The following ERICH5 variants were observed in gnomAD, a reference collection of about 807,000 sequenced individuals.
The protein encoded by ERICH5 is glutamate rich 5.
ERICH5 carries 24 observed loss-of-function variants against 28.0 expected under a neutral mutation model. The observed-to-expected ratio is 0.86, with a 90% confidence interval of 0.62 to 1.21. The LOEUF (loss-of-function observed/expected upper bound fraction) is 1.21, where lower values mean the gene tolerates loss of function less well. Ranked by LOEUF, ERICH5 falls within the 50% of genes most tolerant of loss-of-function variation. ERICH5 has a pLI of 0.00. For missense variants in ERICH5, 421 were observed against 441.2 expected, an observed-to-expected ratio of 0.95 and a Z score of 0.41; for synonymous variants, 163 against 157.6, an observed-to-expected ratio of 1.03 and a Z score of -0.25.
At chr8:98,078,497 A>G (rs1490230538) in intron 1 of ERICH5, among the ~76,000 whole-genome samples, 3 of 152,190 alleles carry the variant, frequency 2.0e-5, no homozygotes, top group Non-Finnish European at 4.4e-5. Context: ...TAGTCATAGG[A>G]AATATTGACA....
Position 98,091,836 on chromosome 8 carries a change from T to TTTTCTTTCTTTC in ERICH5, c.1013-1332_1013-1321dup, listed in dbSNP as rs3074382. ...AGACTTTCTTTTTCTTTCTTTTTCT[T>TTTTCTTTCTTTC]TTTCTTTCTTTCTTTCTTTCTTTCT... On this transcript the variant is annotated intron_variant, in intron 2 of 2. Coordinates refer to ENST00000318528, the MANE Select transcript of ERICH5 (RefSeq NM_173549.3). Among the ~76,000 whole-genome samples, 213 of 107,272 alleles carry TTTTCTTTCTTTC rather than the reference T, an allele frequency of 2.0e-3. 4 individuals carry two copies. Among genetic ancestry groups the TTTTCTTTCTTTC allele is most frequent in the East Asian group, 0.01 (36 of 3,538 alleles). The allele number at this position is 107,272 out of a possible 152,430, so 70.4% of individuals were successfully genotyped here.
intron 1 of ERICH5, 83 bp downstream of exon 1, chr8:98,064,810 C>A: frequency 8.9e-7 from 1 of 1,122,866 alleles, no homozygotes; most frequent in Non-Finnish European, 1.2e-6. Context: ...GGGTGTGTCC[C>A]GTGGCCACCC....
chr8:98,090,520 C>G (rs984645134), intron 2 of ERICH5, among the ~76,000 whole-genome samples: 10 of 150,922 alleles, frequency 6.6e-5, no homozygotes, highest in African/African-American at 2.4e-4. Context: ...CCCAGCACTT[C>G]AGGAGGCAGA....
At position 98,080,805 on chromosome 8, in the gene ERICH5, C is replaced by G. The variant is rs1053080829; in HGVS notation, c.59-8271C>G. ...ACAACCTCTGCCTCCCAGGTTTAGGCAATTCTCCAGCCTCAGTCTTCCGAG... is the reference window on the plus strand; with the variant it reads ...ACAACCTCTGCCTCCCAGGTTTAGGGAATTCTCCAGCCTCAGTCTTCCGAG... On this transcript the variant is annotated intron_variant, in intron 1 of 2. Coordinates refer to ENST00000318528, the MANE Select transcript of ERICH5 (RefSeq NM_173549.3). 2.7e-5 allele frequency among the ~76,000 whole-genome samples: 4 copies of G among 150,600 alleles called. No homozygotes were observed. In the Admixed American group the frequency reaches 2.7e-4, roughly 10 times the overall value.
Position 98,090,018 on chromosome 8 carries a change from A to T in ERICH5, c.1001A>T (p.Gln334Leu). 6.2e-7 allele frequency: 1 copy of T among 1,609,060 alleles called. No individual in the cohort carries two copies. ...IRNIHTNEEDQRIEGETGEKV... is the reference protein window; with the variant it reads ...IRNIHTNEEDLRIEGETGEKV... ...AACATCCATACTAATGAAGAGGACC[A>T]ACGCATTGAAGGTAAAAGTTATGCT... Residue 334 changes from glutamine to leucine, a missense_variant, in exon 2 of 3, where the codon CAA becomes CTA. Transcript: ENST00000318528.
chr8:98,089,805 A>G lies in ERICH5; in HGVS notation c.788A>G (p.Lys263Arg), dbSNP rs561949961. 2 of 1,614,146 alleles carry G rather than the reference A, an allele frequency of 1.2e-6. No individual in the cohort carries two copies. Among genetic ancestry groups the G allele is most frequent in the East Asian group, 4.5e-5 (2 of 44,892 alleles). ...CCCCAGCTTCTAGAAAGAATTCCCAAAGAGAATGTAACACCAGAAGTATTG... is the reference window on the plus strand; with the variant it reads ...CCCCAGCTTCTAGAAAGAATTCCCAGAGAGAATGTAACACCAGAAGTATTG... ...EQPQLLERIP[K>R]ENVTPEVLDR... is the part of the protein sequence containing the mutation. The change falls in exon 2 of 3, where the codon AAA (lysine) becomes AGA (arginine). Residue 263 changes from lysine to arginine, a missense_variant. Transcript: ENST00000318528.
intron 1 of ERICH5, among the ~76,000 whole-genome samples, chr8:98,067,807 G>C (rs188009240): frequency 6.6e-6 from 1 of 151,834 alleles, no homozygotes; most frequent in South Asian, 2.1e-4. Context: ...TAGAGACAGG[G>C]TTTCTCCATG....
rs750114302 is a variant in ERICH5, at chr8:98,093,344, G to A, written c.*11G>A. On this transcript the variant is annotated 3_prime_UTR_variant, in exon 3 of 3. Coordinates refer to ENST00000318528, the MANE Select transcript of ERICH5 (RefSeq NM_173549.3). Reference sequence around the variant, plus strand: ...TCAGCAGCCACATAGATAGAAGAGTGAACCGACACAGTGTGTTATCATAGA... The same window carrying A: ...TCAGCAGCCACATAGATAGAAGAGTAAACCGACACAGTGTGTTATCATAGA... The A allele has an allele frequency of 6.3e-7, 1 of 1,584,568 alleles. No individual in the cohort carries two copies.
At chr8:98,092,337 A>AT (rs1264842099) in intron 2 of ERICH5, among the ~76,000 whole-genome samples, 1 of 151,760 alleles carries the variant, frequency 6.6e-6, no homozygotes, top group African/African-American at 2.4e-5. Context: ...TAATTTTTGT[A>AT]TTTTTTGTAG....
intron 2 of ERICH5, among the ~76,000 whole-genome samples, chr8:98,091,920 CCTTTCTTTCTTT>C (rs1363100223): frequency 3.7e-5 from 1 of 26,768 alleles, no homozygotes; most frequent in African/African-American, 1.2e-4. Flanking sequence ...TTTCTTTCTT[CCTTTCTTTCTTT>C]CTTCCTTTCT....
At chr8:98,088,752 ACAAGGAAAAG>A (rs1815324677) in intron 1 of ERICH5, among the ~76,000 whole-genome samples, 1 of 152,236 alleles carries the variant, frequency 6.6e-6, no homozygotes, top group Admixed American at 6.5e-5. Context: ...AAAGTGTGAG[ACAAGGAAAAG>A]AAGAGAGAAA....
intron 1 of ERICH5, among the ~76,000 whole-genome samples, chr8:98,069,367 CTTA>C (rs1205372175): frequency 1.2e-5 from 1 of 86,768 alleles, no homozygotes; most frequent in East Asian, 3.4e-4. Flanking sequence ...TGAATACACA[CTTA>C]TTATTTTAGG....
At chr8:98,087,364 T>G (rs989210711) in intron 1 of ERICH5, among the ~76,000 whole-genome samples, 1 of 152,152 alleles carries the variant, frequency 6.6e-6, no homozygotes. Context: ...GAGTATTACT[T>G]GTTTTTAGCT....
At chr8:98,091,903 TTC>T (rs1472773611) in intron 2 of ERICH5, among the ~76,000 whole-genome samples, 14 of 96,506 alleles carry the variant, frequency 1.5e-4, no homozygotes, top group African/African-American at 6.4e-4. Context: ...TTTCTTTCCT[TTC>T]TTTCTTTCTT....
rs1289703378 is a variant in ERICH5, at chr8:98,073,516, GTATATATATATA to G, written c.58+8808_58+8819del. Among the ~76,000 whole-genome samples, 2 of 5,298 alleles carry G rather than the reference GTATATATATATA, an allele frequency of 3.8e-4. 1 individual carries two copies. The highest frequency in any genetic ancestry group is 8.0e-3 in the Admixed American group (2 of 250). The allele number at this position is 5,298 out of a possible 152,430, so 3.5% of individuals were successfully genotyped here. On this transcript the variant is annotated intron_variant, in intron 1 of 2. Transcript: ENST00000318528. ...TATATATATATATATATATATATAT[GTATATATATATA>G]TATATATATATATATATAATTTTTT...
intron 1 of ERICH5, among the ~76,000 whole-genome samples, chr8:98,070,439 CT>C (rs1011851483): frequency 6.6e-6 from 1 of 151,470 alleles, no homozygotes; most frequent in African/African-American, 2.4e-5. Context: ...GGCAGATCAC[CT>C]GAGGTTGGGA....
In ERICH5 at chr8:98,079,229, G is replaced by GGC. The variant is rs76849180; in HGVS notation, c.59-9844_59-9843dup. Among the ~76,000 whole-genome samples the GGC allele has an allele frequency of 0.027, 3,842 of 142,884 alleles. 222 individuals are homozygous for GGC. In the East Asian group the frequency reaches 0.27, roughly 10 times the overall value. The allele number at this position is 142,884 out of a possible 152,430, so 93.7% of individuals were successfully genotyped here. A position where few individuals can be genotyped will look rare whatever the true frequency, so the allele number is the denominator to read the frequency against. ...TCTGTTGCCCAGGCTGGAATGCAGTGGCGCAATCATGGCTCACTGCATCCT... is the reference window on the plus strand; with the variant it reads ...TCTGTTGCCCAGGCTGGAATGCAGTGGCGCGCAATCATGGCTCACTGCATCCT... On this transcript the variant is annotated intron_variant, in intron 1 of 2. Coordinates refer to ENST00000318528, the MANE Select transcript of ERICH5 (RefSeq NM_173549.3).
intron 1 of ERICH5, among the ~76,000 whole-genome samples, chr8:98,084,552 T>C (rs944095044): frequency 1.3e-5 from 2 of 152,160 alleles, no homozygotes; most frequent in Non-Finnish European, 2.9e-5. Flanking sequence ...GGCTAATTTT[T>C]GTATTTTTAG....
At chr8:98,079,165 CCTTT>C (rs1445708067) in intron 1 of ERICH5, among the ~76,000 whole-genome samples, 4 of 46,498 alleles carry the variant, frequency 8.6e-5, no homozygotes, top group Non-Finnish European at 2.5e-4. Context: ...TTTTTTTTTT[CCTTT>C]TTTTTTTTTT....
Sources: gnomAD v4.1 joint callset for allele counts (sites outside exome capture counted in the v4.1 genomes callset) on GRCh38, gnomAD v4.1.1 for gene constraint, MANE v1.5 for transcripts, NCBI Gene and HGNC (gene_info 2026-07-23, HGNC 2026-07-21) for gene names.